EMSY: variants seen among roughly 807,000 people sequenced by gnomAD.
The protein encoded by EMSY is EMSY transcriptional repressor, BRCA2 interacting, also known as BRCA2-interacting transcriptional repressor EMSY.
A neutral mutation model predicts 134.6 loss-of-function variants in EMSY; 26 were observed. That is an observed-to-expected ratio of 0.19 (90% CI 0.14 to 0.27). The LOEUF (loss-of-function observed/expected upper bound fraction) is 0.27. Among genes scored for constraint, EMSY ranks in the 10% least tolerant of loss-of-function variants. EMSY has a pLI of 1.00. For synonymous variants in EMSY, 579 were observed against 577.8 expected, an observed-to-expected ratio of 1.00 and a Z score of -0.03; for missense variants, 1,305 against 1,611.4, an observed-to-expected ratio of 0.81 and a Z score of 3.26.
At chr11:76,545,852 G>C (rs2136811005) in exon 20 of EMSY, 1 of 1,613,890 alleles carries the variant, frequency 6.2e-7, no homozygotes, top group Non-Finnish European at 8.5e-7. Flanking sequence ...ACTTTTGAGG[G>C]GCGCCAGCCT....
intron 8 of EMSY, among the ~76,000 whole-genome samples, chr11:76,483,513 C>T (rs766269257): frequency 1.4e-4 from 21 of 152,110 alleles, no homozygotes; most frequent in Non-Finnish European, 7.4e-5. Context: ...AGACCCATCT[C>T]ATGTGAAAGA....
intron 8 of EMSY, among the ~76,000 whole-genome samples, chr11:76,482,153 A>G (rs6592643): frequency 0.91 from 138,688 of 152,144 alleles, 63,957 homozygotes; most frequent in South Asian, 0.98. Flanking sequence ...CTGCAGCAGA[A>G]GGGCCTGAGT....
intron 19 of EMSY, 47 bp downstream of exon 20, chr11:76,544,869 G>T: frequency 6.5e-7 from 1 of 1,533,524 alleles, no homozygotes; most frequent in South Asian, 1.2e-5. Flanking sequence ...TCTGTTCACG[G>T]AAAAAAAAAT....
intron 8 of EMSY, among the ~76,000 whole-genome samples, chr11:76,493,638 G>A (rs531151265): frequency 1.8e-3 from 281 of 152,348 alleles, no homozygotes; most frequent in Non-Finnish European, 3.6e-3. Flanking sequence ...GCTACCCACT[G>A]TGGGTCTTCT....
At chr11:76,542,756 T>TTTTG (rs1024812991) in intron 18 of EMSY, among the ~76,000 whole-genome samples, 6 of 149,876 alleles carry the variant, frequency 4.0e-5, no homozygotes, top group African/African-American at 1.5e-4. Flanking sequence ...GTTTTTTGTT[T>TTTTG]TTTTTTTTTT....
exon 8 of EMSY, chr11:76,472,772 C>G (rs1181157956): frequency 6.2e-7 from 1 of 1,614,202 alleles, no homozygotes; most frequent in African/African-American, 1.3e-5. Context: ...TCACCTATTC[C>G]TAATACAGTT....
chr11:76,528,533 G>T (rs1203464272), intron 14 of EMSY, 67 bp downstream of exon 15: 8 of 1,229,286 alleles, frequency 6.5e-6, no homozygotes, highest in East Asian at 4.8e-5. Context: ...CTAAAATAGA[G>T]GTTGCTTCTA....
At chr11:76,458,314 A>G (rs1223086840) in exon 5 of EMSY, 1 of 1,613,936 alleles carries the variant, frequency 6.2e-7, no homozygotes. Flanking sequence ...GCTATCCAGC[A>G]TAATGCATCT....
intron 14 of EMSY, among the ~76,000 whole-genome samples, chr11:76,535,376 A>C (rs1951186284): frequency 6.6e-6 from 1 of 152,174 alleles, no homozygotes. Flanking sequence ...GATTTCCTTC[A>C]GTAATTCAGC....
At chr11:76,513,313 C>T (rs1387295359) in intron 9 of EMSY, 73 bp from the exon 11 acceptor site, 2 of 1,427,850 alleles carry the variant, frequency 1.4e-6, no homozygotes, top group Admixed American at 2.1e-5. Context: ...GTGACTACTG[C>T]CCTCTTGGGT....
chr11:76,537,843 G>T (rs1352875823), exon 16 of EMSY: 2 of 1,613,538 alleles, frequency 1.2e-6, no homozygotes, highest in South Asian at 2.2e-5. Flanking sequence ...ATTGACCTGA[G>T]TCAAATGGCA....
At chr11:76,543,698 T>A (rs1460806260) in intron 18 of EMSY, among the ~76,000 whole-genome samples, 2 of 152,152 alleles carry the variant, frequency 1.3e-5, no homozygotes, top group African/African-American at 4.8e-5. Flanking sequence ...GGGCGAGGAA[T>A]GCTAGTCGAG....
At chr11:76,545,844 T>G in exon 20 of EMSY, 1 of 1,613,800 alleles carries the variant, frequency 6.2e-7, no homozygotes, top group Non-Finnish European at 8.5e-7. Context: ...CAAAGATAAC[T>G]TTTGAGGGGC....
intron 4 of EMSY, among the ~76,000 whole-genome samples, chr11:76,454,382 G>A (rs1468050869): frequency 1.3e-5 from 2 of 151,956 alleles, no homozygotes; most frequent in Non-Finnish European, 2.9e-5. Flanking sequence ...GGTATGCACT[G>A]TAGAAATTTG....
At chr11:76,521,062 G>A (rs931842513) in intron 11 of EMSY, among the ~76,000 whole-genome samples, 12 of 152,146 alleles carry the variant, frequency 7.9e-5, no homozygotes, top group African/African-American at 1.7e-4. Context: ...AAGGAGAGGC[G>A]TATGTTAGTT....
At chr11:76,466,162 A>G (rs970026058) in intron 7 of EMSY, among the ~76,000 whole-genome samples, 16 of 152,168 alleles carry the variant, frequency 1.1e-4, no homozygotes, top group African/African-American at 3.9e-4. Context: ...CTCCCTCATG[A>G]CAGTAAATTC....
At chr11:76,514,691 C>T (rs949955806) in intron 10 of EMSY, among the ~76,000 whole-genome samples, 3 of 152,156 alleles carry the variant, frequency 2.0e-5, no homozygotes, top group African/African-American at 7.2e-5. Context: ...CCATCTATCT[C>T]CAAAACGTTT....
At chr11:76,447,132 T>C (rs1415597200) in intron 2 of EMSY, 124 bp downstream of exon 2, 3 of 864,502 alleles carry the variant, frequency 3.5e-6, no homozygotes, top group African/African-American at 3.4e-5. Flanking sequence ...GGAGATACAG[T>C]TCCCATCTTA....
chr11:76,472,948 G>T (rs769596604), intron 8 of EMSY, 108 bp downstream of exon 9: 171 of 1,207,520 alleles, frequency 1.4e-4, no homozygotes, highest in Non-Finnish European at 1.9e-4. Context: ...CCTACTATTA[G>T]ACCCAAGATC....
Sources: allele counts gnomAD v4.1 joint callset (sites outside exome capture counted in the v4.1 genomes callset), GRCh38; gene constraint gnomAD v4.1.1; transcripts MANE v1.5; gene names NCBI Gene and HGNC (gene_info 2026-07-23, HGNC 2026-07-21).